Variants in PREX2 observed in about 807,000 individuals in gnomAD.
PREX2 encodes phosphatidylinositol-3,4,5-trisphosphate dependent Rac exchange factor 2, also known as phosphatidylinositol 3,4,5-trisphosphate-dependent Rac exchanger 2 protein.
In PREX2, 107 loss-of-function variants were observed where a neutral mutation model predicts 203.2. The observed-to-expected ratio is 0.53, with a 90% CI of 0.45 to 0.62. The LOEUF (loss-of-function observed/expected upper bound fraction) is 0.62, where lower values mean the gene tolerates loss of function less well. Ranked by LOEUF, PREX2 falls within the 20% of genes least tolerant of loss-of-function variation. The pLI, the probability that PREX2 is intolerant of heterozygous loss-of-function variation, is 0.00. For synonymous variants in PREX2, 672 were observed against 663.6 expected (o/e 1.01, Z -0.19); for missense variants, 1,777 against 1,955.9 (o/e 0.91, Z 1.72).
intron 33 of PREX2, among the ~76,000 whole-genome samples, chr8:68,142,813 A>G (rs963011339): frequency 1.3e-5 from 2 of 152,192 alleles, no homozygotes; most frequent in Non-Finnish European, 2.9e-5. Flanking sequence ...CTCCCATATC[A>G]TATTATTTAA....
intron 37 of PREX2, among the ~76,000 whole-genome samples, chr8:68,210,627 A>G (rs936216998): frequency 3.3e-5 from 5 of 152,222 alleles, no homozygotes; most frequent in African/African-American, 7.2e-5. Flanking sequence ...CAAGTGCTCA[A>G]TAAAATGCAT....
intron 8 of PREX2, among the ~76,000 whole-genome samples, chr8:68,050,196 C>G (rs1808484846): frequency 6.6e-6 from 1 of 152,074 alleles, no homozygotes; most frequent in Non-Finnish European, 1.5e-5. Context: ...TTTTAAAATA[C>G]TAGTGCAGCA....
At chr8:68,117,205 A>G (rs1810676550) in intron 26 of PREX2, among the ~76,000 whole-genome samples, 3 of 152,328 alleles carry the variant, frequency 2.0e-5, no homozygotes, top group South Asian at 4.1e-4. Flanking sequence ...AAGATTTTAC[A>G]TAATCCTCAC....
chr8:68,165,239 C>G (rs559579793), intron 35 of PREX2, among the ~76,000 whole-genome samples: 5 of 151,942 alleles, frequency 3.3e-5, no homozygotes, highest in Non-Finnish European at 5.9e-5. Flanking sequence ...AGAAAATGGT[C>G]GGATCTACAT....
At chr8:68,029,852 C>G (rs1363462028) in intron 5 of PREX2, among the ~76,000 whole-genome samples, 1 of 152,034 alleles carries the variant, frequency 6.6e-6, no homozygotes, top group Non-Finnish European at 1.5e-5. Flanking sequence ...CCCTCCAAAT[C>G]CCCTAAATAC....
chr8:68,031,308 A>G (rs1169946675), intron 6 of PREX2, among the ~76,000 whole-genome samples: 1 of 152,174 alleles, frequency 6.6e-6, no homozygotes, highest in Non-Finnish European at 1.5e-5. Context: ...ATGAACTAAA[A>G]TTCTGTCATT....
chr8:68,081,349 G>A (rs912560777), intron 17 of PREX2, among the ~76,000 whole-genome samples: 3 of 152,122 alleles, frequency 2.0e-5, no homozygotes, highest in African/African-American at 7.2e-5. Context: ...CTCCTTTTGT[G>A]CGTCTGGTTC....
chr8:68,071,220 A>C (rs146848360), intron 13 of PREX2, among the ~76,000 whole-genome samples: 1 of 152,164 alleles, frequency 6.6e-6, no homozygotes, highest in African/African-American at 2.4e-5. Flanking sequence ...TAAAAATGAC[A>C]ATTGTTTTTG....
chr8:68,153,693 T>C (rs1034723651), intron 34 of PREX2, among the ~76,000 whole-genome samples: 5 of 152,196 alleles, frequency 3.3e-5, no homozygotes, highest in Non-Finnish European at 5.9e-5. Context: ...ATAGGGAATG[T>C]TGTCATCTTT....
chr8:68,087,871 C>T lies in PREX2; in HGVS notation c.2113+62C>T, dbSNP rs1809746734. On this transcript the variant is annotated intron_variant, in intron 19 of 39. Coordinates refer to ENST00000288368, the MANE Select transcript of PREX2 (RefSeq NM_024870.4). ...CAGGTTTGGGATGTGCCCGATGGAA[C>T]AGGAATGTGTTTAAAATAGGCAGAA... 3 of 1,048,618 alleles carry T rather than the reference C, an allele frequency of 2.9e-6. No homozygotes were observed. The South Asian group carries it at 3.8e-5, about 13-fold the overall frequency. The allele number at this position is 1,048,618 out of a possible 1,614,324, so 65.0% of individuals were successfully genotyped here.
At chr8:68,076,080 C>T (rs4366068) in intron 14 of PREX2, among the ~76,000 whole-genome samples, 81,126 of 151,974 alleles carry the variant, frequency 0.53, 21,669 homozygotes, top group South Asian at 0.56. Flanking sequence ...TGGAAAGTTT[C>T]AAAAGCCCAA....
At chr8:68,188,915 G>C (rs775592679) in intron 35 of PREX2, among the ~76,000 whole-genome samples, 5 of 152,098 alleles carry the variant, frequency 3.3e-5, no homozygotes, top group Admixed American at 2.0e-4. Context: ...TATTTATTAA[G>C]ATCATACTAT....
At chr8:68,200,082 G>C (rs1812472201) in intron 37 of PREX2, among the ~76,000 whole-genome samples, 1 of 152,084 alleles carries the variant, frequency 6.6e-6, no homozygotes. Flanking sequence ...AAAAAGTTTT[G>C]AAAGACCCAG....
intron 20 of PREX2, 117 bp downstream of exon 20, chr8:68,090,832 A>G (rs1202921657): frequency 1.5e-6 from 1 of 687,406 alleles, no homozygotes; most frequent in East Asian, 2.8e-5. Context: ...TTAAAATTAA[A>G]CACAGCATTA....
chr8:68,227,069 T>G (rs1813070318), intron 39 of PREX2, among the ~76,000 whole-genome samples: 1 of 152,232 alleles, frequency 6.6e-6, no homozygotes, highest in Non-Finnish European at 1.5e-5. Flanking sequence ...AGAAGAGTTT[T>G]GATTTTAACT....
Position 67,969,024 on chromosome 8 carries a change from C to T in PREX2, c.141+16489C>T, listed in dbSNP as rs146329962. ...TCTTACTTGGAGGCTTTGAGATTTT[C>T]TGCCGCACTCTGCTCAGCGTCTTAA... is the stretch of plus-strand genomic sequence containing the variant. On this transcript the variant is annotated intron_variant, in intron 1 of 39. Coordinates refer to ENST00000288368, the MANE Select transcript of PREX2 (RefSeq NM_024870.4). Among the ~76,000 whole-genome samples the T allele has an allele frequency of 3.2e-3, 488 of 152,294 alleles. 2 individuals carry two copies. The highest frequency in any genetic ancestry group is 5.2e-3 in the Admixed American group (79 of 15,306).
At chr8:68,000,698 A>G (rs1806912737) in intron 1 of PREX2, among the ~76,000 whole-genome samples, 1 of 152,228 alleles carries the variant, frequency 6.6e-6, no homozygotes, top group South Asian at 2.1e-4. Flanking sequence ...ACCTCAAACT[A>G]TGTTACAGGG....
intron 25 of PREX2, 88 bp downstream of exon 25, chr8:68,109,711 G>C: frequency 9.2e-7 from 1 of 1,091,648 alleles, no homozygotes; most frequent in Non-Finnish European, 1.4e-6. Context: ...TCTCTCTTTA[G>C]TTATTGGAAA....
intron 23 of PREX2, among the ~76,000 whole-genome samples, chr8:68,106,801 T>C (rs1810422461): frequency 6.6e-6 from 1 of 152,112 alleles, no homozygotes; most frequent in African/African-American, 2.4e-5. Context: ...ATAGATAGGA[T>C]CATGGTTATA....
Sources: gnomAD v4.1 joint callset for allele counts (sites outside exome capture counted in the v4.1 genomes callset) on GRCh38, gnomAD v4.1.1 for gene constraint, MANE v1.5 for transcripts, NCBI Gene and HGNC (gene_info 2026-07-23, HGNC 2026-07-21) for gene names.